EIF4A2: variants seen among roughly 807,000 people sequenced by gnomAD.
EIF4A2 encodes the protein eukaryotic initiation factor 4A-II.
In EIF4A2, 9 loss-of-function variants were observed where a neutral mutation model predicts 50.6. The ratio of observed to expected loss-of-function variants is 0.18; its 90% CI spans 0.11 to 0.31. EIF4A2 has a LOEUF of 0.31. Among genes scored for constraint, EIF4A2 ranks in the 10% least tolerant of loss-of-function variants. The pLI, the probability that EIF4A2 is intolerant of heterozygous loss-of-function variation, is 1.00. For missense variants in EIF4A2, 182 were observed against 501.8 expected (o/e 0.36, Z 6.09); for synonymous variants, 215 against 164.4 (o/e 1.31, Z -2.35).
At position 186,789,869 on chromosome 3, in the gene EIF4A2, TG is replaced by T. The variant is rs1722013446; in HGVS notation, c.*601del. 1 of 777,452 alleles carries T rather than the reference TG, an allele frequency of 1.3e-6. No homozygotes were observed. The highest frequency in any genetic ancestry group is 2.1e-6 in the Non-Finnish European group (1 of 479,666). 48.2% of individuals were successfully genotyped at this position (777,452 alleles called of 1,614,324 possible). A position where few individuals can be genotyped will look rare whatever the true frequency, so the allele number is the denominator to read the frequency against. On this transcript the variant is annotated 3_prime_UTR_variant, in exon 11 of 11. Transcript: ENST00000323963. ...TGCACATGTCTTAATGAAGTTTGAA[TG>T]TTAAATAAATTGTATATTCACTTTA...
chr3:186,788,221 C>A lies in EIF4A2; in HGVS notation c.1079+339C>A, dbSNP rs187304177. The A allele has an allele frequency of 2.4e-4, 273 of 1,142,592 alleles. 1 individual carries two copies. The African/African-American group carries it at 4.1e-3, about 17-fold the overall frequency. 70.8% of individuals were successfully genotyped at this position (1,142,592 alleles called of 1,614,324 possible). A position where few individuals can be genotyped will look rare whatever the true frequency, so the allele number is the denominator to read the frequency against. ...GTCGCCTGGTAGCAATTTGAGTGAA[C>A]CCTGGTTTAGTTATAGTGGCTTTAT... On this transcript the variant is annotated intron_variant, in intron 10 of 10. Coordinates refer to ENST00000323963, the MANE Select transcript of EIF4A2 (RefSeq NM_001967.4).
chr3:186,784,138 A>G (rs139906581), intron 1 of EIF4A2: 125 of 520,748 alleles, frequency 2.4e-4, no homozygotes, highest in East Asian at 6.1e-4. Flanking sequence ...GCCCGCGTCA[A>G]TCACCCGGCT....
intron 7 of EIF4A2, 107 bp downstream of exon 7, chr3:186,786,752 T>A (rs769515729): frequency 1.4e-6 from 2 of 1,451,814 alleles, no homozygotes; most frequent in Admixed American, 3.4e-5. Flanking sequence ...GCTAGCAGAG[T>A]ACACACAAGA....
rs752966681 is a variant in EIF4A2 at position 186,787,753 on chromosome 3, G to A, written c.1000-50G>A. On this transcript the variant is annotated intron_variant, in intron 9 of 10. Transcript: ENST00000323963. ...CTACTATTTTGTGGCCTACATGACA[G>A]GTGTCAAGTTTTTTTGAATCAATTT... 8.6e-5 allele frequency: 139 copies of A among 1,610,066 alleles called. 2 individuals carry two copies. In the South Asian group the frequency reaches 1.5e-3, roughly 17 times the overall value.
chr3:186,785,301 G>A, intron 4 of EIF4A2, 200 bp downstream of exon 4: 1 of 702,324 alleles, frequency 1.4e-6, no homozygotes, highest in Non-Finnish European at 2.3e-6. Context: ...TATACTAATA[G>A]ATTGAGAATC....
At chr3:186,788,991 C>G (rs1395691057) in intron 10 of EIF4A2, 134 bp from the exon 11 acceptor site, 2 of 1,270,356 alleles carry the variant, frequency 1.6e-6, no homozygotes, top group Non-Finnish European at 2.1e-6. Context: ...GCATTAGCAG[C>G]TAGTGCTCCA....
Position 186,783,641 on chromosome 3 carries a change from T to A in EIF4A2, c.29+2T>A. On this transcript the variant is annotated splice_donor_variant, in intron 1 of 10. Coordinates refer to ENST00000323963, the MANE Select transcript of EIF4A2 (RefSeq NM_001967.4). LOFTEE classifies it high-confidence loss of function. ...TGGTGGCTCCGCGGATTATAACAGG[T>A]ATGCAGTCTGTTGGCGGTCGCGGTC... 1 of 1,614,036 alleles carries A rather than the reference T, an allele frequency of 6.2e-7. No homozygotes were observed.
At chr3:186,783,664 G>T in intron 1 of EIF4A2, 25 bp downstream of exon 1, 1 of 1,614,114 alleles carries the variant, frequency 6.2e-7, no homozygotes, top group Non-Finnish European at 8.5e-7. Context: ...GGCGGTCGCG[G>T]TCTGTAGTGA....
chr3:186,784,821 C>A (rs1462054428), intron 3 of EIF4A2, 125 bp downstream of exon 3: 2 of 1,597,962 alleles, frequency 1.3e-6, no homozygotes. Flanking sequence ...AATCATCTTT[C>A]GGGACTGACC....
chr3:186,786,947 G>A (rs1403859996), intron 7 of EIF4A2, 180 bp from the exon 8 acceptor site: 2 of 998,324 alleles, frequency 2.0e-6, no homozygotes, highest in Non-Finnish European at 3.0e-6. Flanking sequence ...TTGGTATTTT[G>A]GGTAGAGACA....
intron 2 of EIF4A2, 35 bp from the exon 3 acceptor site, chr3:186,784,529 T>A (rs767063379): frequency 4.7e-5 from 76 of 1,614,084 alleles, no homozygotes; most frequent in Non-Finnish European, 3.4e-6. Context: ...TGTGTTCATC[T>A]CATTTATGCG....
Position 186,789,362 on chromosome 3 carries a change from T to A in EIF4A2, c.*93T>A. 6.7e-7 allele frequency: 1 copy of A among 1,494,600 alleles called. No homozygotes were observed. Among genetic ancestry groups the A allele is most frequent in the Non-Finnish European group, 9.0e-7 (1 of 1,114,436 alleles). 92.6% of individuals were successfully genotyped at this position (1,494,600 alleles called of 1,614,324 possible). A position where few individuals can be genotyped will look rare whatever the true frequency, so the allele number is the denominator to read the frequency against. ...GCTTCTTTCTTTGGGAATATTTGAATCTTGTCTCAATGCTCATAACGGATC... is the reference window on the plus strand; with the variant it reads ...GCTTCTTTCTTTGGGAATATTTGAAACTTGTCTCAATGCTCATAACGGATC... On this transcript the variant is annotated 3_prime_UTR_variant, in exon 11 of 11. Transcript: ENST00000323963.
At position 186,785,715 on chromosome 3, in the gene EIF4A2, A is replaced by G. The variant is rs745693154; in HGVS notation, c.349-168A>G. 1.0e-4 allele frequency: 83 copies of G among 804,542 alleles called. 1 individual carries two copies. The highest frequency in any genetic ancestry group is 1.3e-4 in the Non-Finnish European group (68 of 534,554). 49.8% of individuals were successfully genotyped at this position (804,542 alleles called of 1,614,324 possible). On this transcript the variant is annotated intron_variant, in intron 4 of 10. Transcript: ENST00000323963. ...AAGGCATAAGAAAGACATTAAGGGA[A>G]TTTTACCTTGCAGCAGTTAGGTCGT...
chr3:186,785,962 A>G lies in EIF4A2; in HGVS notation c.428A>G (p.Asn143Ser), dbSNP rs758037831. The G allele has an allele frequency of 3.8e-5, 61 of 1,613,182 alleles. No homozygotes were observed. Among genetic ancestry groups the G allele is most frequent in the Non-Finnish European group, 5.0e-5 (59 of 1,179,268 alleles). Residue 143 changes from asparagine to serine, a missense_variant, in exon 5 of 11, where the codon AAT becomes AGT. Physicochemically the swap from Asn to Ser is conservative, Grantham distance 46. Around this residue, in one of 7 missense-constraint regions of EIF4A2, gnomAD observed 113 missense variants for 357.3 expected, o/e 0.32. Transcript: ENST00000323963. Reference sequence around the variant, plus strand: ...TGCATTGGTGGAACAAATGTTCGAAATGAAATGCAAAAACTGCAGGCTGAA... The same window carrying G: ...TGCATTGGTGGAACAAATGTTCGAAGTGAAATGCAAAAACTGCAGGCTGAA... ...HACIGGTNVR[N>S]EMQKLQAEAP...
At chr3:186,784,745 C>CATAAAA (rs777728886) in intron 3 of EIF4A2, 49 bp downstream of exon 3, 1 of 1,610,592 alleles carries the variant, frequency 6.2e-7, no homozygotes, top group Admixed American at 1.7e-5. Flanking sequence ...AGACATGAAC[C>CATAAAA]ATAAAAGGGA....
At position 186,784,598 on chromosome 3, in the gene EIF4A2, A is replaced by T. The variant is rs1248318962; in HGVS notation, c.110A>T (p.Asp37Val). 6.2e-7 allele frequency: 1 copy of T among 1,614,092 alleles called. No individual in the cohort carries two copies. Among genetic ancestry groups the T allele is most frequent in the Non-Finnish European group, 8.5e-7 (1 of 1,180,030 alleles). Residue 37 changes from aspartate to valine, a missense_variant, in exon 3 of 11, where the codon GAT becomes GTT. By Grantham distance (152) the Asp-to-Val change is radical (BLOSUM62 -3). Around this residue, in one of 7 missense-constraint regions of EIF4A2, gnomAD observed 113 missense variants for 357.3 expected, o/e 0.32. Coordinates refer to ENST00000323963, the MANE Select transcript of EIF4A2 (RefSeq NM_001967.4). ...AATGAGATTGTTGATAACTTTGATG[A>T]TATGAATTTAAAGGAGTCTCTCCTT... ...NWNEIVDNFD[D>V]MNLKESLLRG...
In EIF4A2 at chr3:186,789,474, T is replaced by C; in HGVS notation, c.*205T>C. On this transcript the variant is annotated 3_prime_UTR_variant, in exon 11 of 11. Transcript: ENST00000323963. ...GGCTTTATCCTCTTTAGAGTTAGAC[T>C]GTTGGGGTGGGTATAAAAGATGGGG... 5.5e-6 allele frequency: 3 copies of C among 547,902 alleles called. No homozygotes were observed. Among genetic ancestry groups the C allele is most frequent in the Non-Finnish European group, 8.7e-6 (3 of 343,190 alleles). The allele number at this position is 547,902 out of a possible 1,614,324, so 33.9% of individuals were successfully genotyped here. A position where few individuals can be genotyped will look rare whatever the true frequency, so the allele number is the denominator to read the frequency against.
At chr3:186,785,339 C>A (rs986158668) in intron 4 of EIF4A2, 1 of 544,072 alleles carries the variant, frequency 1.8e-6, no homozygotes, top group South Asian at 2.7e-5. Context: ...TGTACTAGAT[C>A]TGTCCCCATT....
At chr3:186,788,451 T>C in intron 10 of EIF4A2, 13 of 1,231,556 alleles carry the variant, frequency 1.1e-5, no homozygotes, top group South Asian at 2.8e-5. Context: ...TTTGTCATGA[T>C]TATTTGATTT....
Sources: allele counts gnomAD v4.1 joint callset, GRCh38; gene constraint gnomAD v4.1.1; regional missense constraint gnomAD v4.1.1; transcripts MANE v1.5; gene names NCBI Gene and HGNC (gene_info 2026-07-23, HGNC 2026-07-21).